The following EPB41L1 variants were observed in gnomAD, a reference collection of about 807,000 sequenced individuals.
EPB41L1 encodes the protein erythrocyte membrane protein band 4.1 like 1.
In EPB41L1, 29 loss-of-function variants were observed where a neutral mutation model predicts 97.8. That is an observed-to-expected ratio of 0.30 (90% CI 0.22 to 0.40). EPB41L1 has a LOEUF of 0.40. Among genes scored for constraint, EPB41L1 ranks in the 10% least tolerant of loss-of-function variants. The pLI is 1.00. For synonymous variants in EPB41L1, 383 were observed against 459.2 expected (o/e 0.83, Z 2.12); for missense variants, 812 against 1,162.3 (o/e 0.70, Z 4.38).
chr20:36,095,436 C>T (rs2057797584), intron 1 of EPB41L1, among the ~76,000 whole-genome samples: 1 of 152,174 alleles, frequency 6.6e-6, no homozygotes, highest in Admixed American at 6.5e-5. Flanking sequence ...TTAGCCAACC[C>T]CTTCATGTGT....
At chr20:36,180,917 C>T (rs1431763337) in intron 5 of EPB41L1, among the ~76,000 whole-genome samples, 1 of 152,132 alleles carries the variant, frequency 6.6e-6, no homozygotes, top group East Asian at 1.9e-4. Flanking sequence ...AGTTAGGATC[C>T]CCATTCTCTA....
chr20:36,185,058 T>G (rs2061626894), intron 6 of EPB41L1, 59 bp from the exon 7 acceptor site: 1 of 1,546,610 alleles, frequency 6.5e-7, no homozygotes. Flanking sequence ...ACAGCTGTGC[T>G]TGGGGGATCT....
intron 1 of EPB41L1, among the ~76,000 whole-genome samples, chr20:36,172,181 C>T (rs535085168): frequency 7.9e-5 from 12 of 152,086 alleles, no homozygotes; most frequent in African/African-American, 9.7e-5. Flanking sequence ...TGGGTTCAAG[C>T]GATTCTCCTG....
chr20:36,098,527 A>G (rs1333894853), intron 1 of EPB41L1, among the ~76,000 whole-genome samples: 1 of 152,106 alleles, frequency 6.6e-6, no homozygotes, highest in African/African-American at 2.4e-5. Flanking sequence ...TTGCAGCTGC[A>G]TCTGCCTCTG....
intron 2 of EPB41L1, among the ~76,000 whole-genome samples, chr20:36,123,494 G>A (rs1600420707): frequency 6.6e-6 from 1 of 152,344 alleles, no homozygotes; most frequent in South Asian, 2.1e-4. Context: ...AGGCTAGAGT[G>A]CAGTGGCGCA....
At chr20:36,182,569 A>C (rs1429429692) in intron 6 of EPB41L1, among the ~76,000 whole-genome samples, 2 of 152,166 alleles carry the variant, frequency 1.3e-5, no homozygotes, top group Non-Finnish European at 2.9e-5. Flanking sequence ...TCAGAGGAGG[A>C]GGTATCACAG....
At chr20:36,180,251 A>AT (rs2061423204) in intron 5 of EPB41L1, among the ~76,000 whole-genome samples, 1 of 152,112 alleles carries the variant, frequency 6.6e-6, no homozygotes, top group African/African-American at 2.4e-5. Flanking sequence ...CAGTGGAGCA[A>AT]TTTTTTGCCC....
At chr20:36,210,008 C>T in intron 15 of EPB41L1, 110 bp downstream of exon 15, 6 of 1,347,796 alleles carry the variant, frequency 4.5e-6, no homozygotes, top group Non-Finnish European at 5.1e-6. Flanking sequence ...GAAGCTCTGT[C>T]TCGTGTTGCA....
intron 21 of EPB41L1, among the ~76,000 whole-genome samples, chr20:36,228,750 C>T (rs1049959321): frequency 2.6e-5 from 4 of 152,126 alleles, no homozygotes; most frequent in Non-Finnish European, 5.9e-5. Flanking sequence ...TTAAACACTG[C>T]TGTCTGTGGT....
At chr20:36,199,250 A>G (rs2062367020) in intron 14 of EPB41L1, among the ~76,000 whole-genome samples, 1 of 152,078 alleles carries the variant, frequency 6.6e-6, no homozygotes, top group East Asian at 1.9e-4. Flanking sequence ...ACCCAGAAAG[A>G]GGAAGGACTT....
chr20:36,115,782 C>G (rs1023662103), intron 2 of EPB41L1, among the ~76,000 whole-genome samples: 18 of 152,170 alleles, frequency 1.2e-4, no homozygotes, highest in African/African-American at 4.1e-4. Flanking sequence ...ATCCCAGCCA[C>G]TCAGGAGGCT....
rs1471830246 is a variant in EPB41L1, at chr20:36,187,782, G to A, written c.873+19G>A. On this transcript the variant is annotated intron_variant, in intron 8 of 21. Transcript: ENST00000338074. ...TGCCAAGGTACCACCAGCTTCCTGG[G>A]TTCCCCTAGTGTCTGGGTGGTGCCC... is the stretch of plus-strand genomic sequence containing the variant. The A allele has an allele frequency of 6.2e-7, 1 of 1,609,878 alleles. No homozygotes were observed. Among genetic ancestry groups the A allele is most frequent in the Non-Finnish European group, 8.5e-7 (1 of 1,177,334 alleles).
intron 6 of EPB41L1, among the ~76,000 whole-genome samples, chr20:36,184,329 AC>A (rs1258110304): frequency 6.6e-6 from 1 of 152,198 alleles, no homozygotes; most frequent in Non-Finnish European, 1.5e-5. Flanking sequence ...TAAAAATGAA[AC>A]TTTTTTTTAA....
upstream of EPB41L1, among the ~76,000 whole-genome samples, chr20:36,153,995 A>G (rs186356593): frequency 3.1e-3 from 479 of 152,246 alleles, 7 homozygotes; most frequent in African/African-American, 0.011. Context: ...AGACACATAC[A>G]GCAAGTGCGC....
intron 1 of EPB41L1, among the ~76,000 whole-genome samples, chr20:36,099,413 A>C (rs1021108771): frequency 6.6e-6 from 1 of 152,192 alleles, no homozygotes; most frequent in Non-Finnish European, 1.5e-5. Flanking sequence ...AGCCCTGCCT[A>C]CTTCACCAAA....
chr20:36,153,077 C>T (rs577367998), upstream of EPB41L1: 230 of 456,588 alleles, frequency 5.0e-4, no homozygotes, highest in Non-Finnish European at 7.2e-4. Flanking sequence ...GAAGCTTTGT[C>T]TAAAGACACC....
In EPB41L1 at chr20:36,190,475, A is replaced by C. The variant is rs2146339891; in HGVS notation, c.1124+101A>C. ...AGTGAGAACTCTAGGAAAGTCCTCC[A>C]CCCTTTCCCCAAGTCCCTCCCTTCC... On this transcript the variant is annotated intron_variant, in intron 10 of 21. Coordinates refer to ENST00000338074, the MANE Select transcript of EPB41L1 (RefSeq NM_012156.2). The surrounding 1 kb of genome is among the most constrained non-coding windows in gnomAD (Gnocchi z 5.8). The C allele has an allele frequency of 6.6e-7, 1 of 1,514,186 alleles. No individual in the cohort carries two copies. Among genetic ancestry groups the C allele is most frequent in the South Asian group, 1.2e-5 (1 of 86,018 alleles). The allele number at this position is 1,514,186 out of a possible 1,614,324, so 93.8% of individuals were successfully genotyped here.
chr20:36,143,462 A>G (rs994074315), intron 2 of EPB41L1, among the ~76,000 whole-genome samples: 1 of 152,144 alleles, frequency 6.6e-6, no homozygotes, highest in African/African-American at 2.4e-5. Flanking sequence ...ATCAACATCT[A>G]TGTCCCACAA....
intron 14 of EPB41L1, among the ~76,000 whole-genome samples, chr20:36,203,591 A>T (rs1246252371): frequency 6.6e-6 from 1 of 152,252 alleles, no homozygotes; most frequent in South Asian, 2.1e-4. Context: ...ATGTCAGTAC[A>T]GCTGGAATGG....
Sources: allele counts gnomAD v4.1 joint callset (sites outside exome capture counted in the v4.1 genomes callset), GRCh38; gene constraint gnomAD v4.1.1; non-coding constraint Gnocchi (gnomAD v3.1); transcripts MANE v1.5; gene names NCBI Gene and HGNC (gene_info 2026-07-23, HGNC 2026-07-21).